RIF1: variants seen among roughly 807,000 people sequenced by gnomAD.
The protein encoded by RIF1 is replication timing regulatory factor 1.
RIF1 carries 45 observed loss-of-function variants against 247.1 expected under a neutral mutation model. The observed-to-expected ratio is 0.18, with a 90% CI of 0.14 to 0.23. The LOEUF is 0.23. Among genes scored for constraint, RIF1 ranks in the 10% least tolerant of loss-of-function variants. The probability of loss-of-function intolerance (pLI) is 1.00; values close to 1 mark genes in which losing one functional copy is unlikely to be tolerated. For synonymous variants in RIF1, 1,087 were observed against 978.8 expected (o/e 1.11, Z -2.06); for missense variants, 2,967 against 2,862.5 (o/e 1.04, Z -0.83).
intron 8 of RIF1, among the ~76,000 whole-genome samples, chr2:151,424,203 A>C (rs937046485): frequency 6.6e-6 from 1 of 152,184 alleles, no homozygotes; most frequent in Non-Finnish European, 1.5e-5. Context: ...TCCCGGGTTC[A>C]TGCAATTCTC....
chr2:151,447,105 G>A (rs1407841224), intron 20 of RIF1, among the ~76,000 whole-genome samples: 1 of 151,714 alleles, frequency 6.6e-6, no homozygotes, highest in Non-Finnish European at 1.5e-5. Flanking sequence ...CACCACGCCC[G>A]GCTAATTTTT....
At chr2:151,524,450 A>G in the RIF1 span, 1 of 1,609,314 alleles carries the variant, frequency 6.2e-7, no homozygotes, top group Non-Finnish European at 8.5e-7. Context: ...GCAACAGGTG[A>G]TGGTTGCCTG....
the RIF1 span, chr2:151,514,286 A>G: frequency 7.0e-7 from 1 of 1,430,886 alleles, no homozygotes. Context: ...ATGCTGTATG[A>G]ATTACGTGCA....
At chr2:151,502,971 G>A in intron 11 of RIF1, 1 of 768,284 alleles carries the variant, frequency 1.3e-6, no homozygotes, top group Non-Finnish European at 2.2e-6. Context: ...GGGGTTATAT[G>A]TGAGGAGGCA....
At chr2:151,488,914 C>T (rs369339460) in intron 9 of RIF1, among the ~76,000 whole-genome samples, 1 of 152,202 alleles carries the variant, frequency 6.6e-6, no homozygotes. Flanking sequence ...GTATCTATTG[C>T]CATGCTAAAT....
chr2:151,437,256 C>A lies in RIF1; in HGVS notation c.1388C>A (p.Pro463Gln), dbSNP rs776895432. The change falls in exon 13 of 36, where the codon CCG (proline) becomes CAG (glutamine). Residue 463 changes from proline (P) to glutamine (Q), a missense_variant. Around this residue, in one of 7 missense-constraint regions of RIF1, gnomAD observed 369 missense variants for 322.0 expected, o/e 1.15. Transcript: ENST00000444746. Reference protein sequence around the residue: ...LVLSLEPLEHPLISSPSFFSK... With the variant: ...LVLSLEPLEHQLISSPSFFSK... ...TCCCTTTCAGAGCCATTGGAACATC[C>A]GTTAATCAGCAGCCCTTCCTTTTTT... The A allele has an allele frequency of 6.8e-6, 11 of 1,611,230 alleles. No homozygotes were observed. In the Middle Eastern group the frequency reaches 9.9e-4, roughly 145 times the overall value.
downstream of RIF1, among the ~76,000 whole-genome samples, chr2:151,510,160 G>T (rs769130241): frequency 1.5e-4 from 23 of 152,124 alleles, no homozygotes; most frequent in Non-Finnish European, 2.4e-4. Flanking sequence ...GTGATTACTC[G>T]TATGTTGTCT....
chr2:151,497,555 G>C, intron 10 of RIF1: 2 of 1,525,840 alleles, frequency 1.3e-6, no homozygotes, highest in African/African-American at 2.8e-5. Flanking sequence ...GGATTAATAC[G>C]TATTATTTTA....
chr2:151,531,763 A>C, the RIF1 span: 2 of 1,529,308 alleles, frequency 1.3e-6, no homozygotes, highest in East Asian at 2.3e-5. Context: ...CCTGAGTTTG[A>C]GAAGGTATTC....
the RIF1 span, among the ~76,000 whole-genome samples, chr2:151,533,803 T>C: frequency 3.3e-5 from 5 of 152,386 alleles, no homozygotes; most frequent in South Asian, 1.0e-3. Context: ...AAAATAGCTT[T>C]ATAGAAAAGA....
intron 8 of RIF1, among the ~76,000 whole-genome samples, chr2:151,425,702 T>G (rs1167031728): frequency 7.7e-6 from 1 of 129,984 alleles, no homozygotes; most frequent in Non-Finnish European, 1.6e-5. Flanking sequence ...AGTCTTACTC[T>G]GTTGCCTAGG....
intron 6 of RIF1, among the ~76,000 whole-genome samples, chr2:151,419,341 T>G (rs1301714064): frequency 6.6e-6 from 1 of 152,150 alleles, no homozygotes; most frequent in African/African-American, 2.4e-5. Context: ...TTACTATTTT[T>G]TTTGAGACGG....
chr2:151,498,983 A>T (rs755465698), intron 10 of RIF1, among the ~76,000 whole-genome samples: 5 of 152,176 alleles, frequency 3.3e-5, no homozygotes, highest in Non-Finnish European at 5.9e-5. Flanking sequence ...GATCTTTGCA[A>T]AATACATTTG....
At chr2:151,446,660 A>G (rs1693321804) in intron 20 of RIF1, 85 bp downstream of exon 20, 4 of 1,244,562 alleles carry the variant, frequency 3.2e-6, no homozygotes, top group East Asian at 2.3e-5. Context: ...GTGAACTGTC[A>G]CCTATTACTG....
chr2:151,426,904 C>G (rs1303265799), intron 8 of RIF1, among the ~76,000 whole-genome samples: 3 of 152,126 alleles, frequency 2.0e-5, no homozygotes, highest in African/African-American at 7.2e-5. Flanking sequence ...GCCTCGGCCT[C>G]CCAAAGTGCT....
intron 11 of RIF1, chr2:151,501,508 A>T: frequency 1.4e-5 from 19 of 1,376,164 alleles, no homozygotes; most frequent in Non-Finnish European, 1.9e-5. Context: ...CCAACAAACA[A>T]ATCAACCTGG....
At chr2:151,417,937 C>T (rs1687493128) in intron 6 of RIF1, among the ~76,000 whole-genome samples, 2 of 152,092 alleles carry the variant, frequency 1.3e-5, no homozygotes, top group Non-Finnish European at 2.9e-5. Flanking sequence ...GTAGGCACTT[C>T]TAACACGATA....
intron 20 of RIF1, among the ~76,000 whole-genome samples, chr2:151,448,083 T>C (rs1190622861): frequency 1.2e-4 from 18 of 152,076 alleles, no homozygotes; most frequent in Admixed American, 1.2e-3. Flanking sequence ...ACAGTGATTG[T>C]TGGACGACAA....
At chr2:151,452,353 A>G (rs1191533815) in intron 21 of RIF1, among the ~76,000 whole-genome samples, 1 of 152,202 alleles carries the variant, frequency 6.6e-6, no homozygotes, top group Non-Finnish European at 1.5e-5. Flanking sequence ...ACCTATGTTT[A>G]TATGTTCTTA....
Sources: allele counts gnomAD v4.1 joint callset (sites outside exome capture counted in the v4.1 genomes callset), GRCh38; gene constraint gnomAD v4.1.1; regional missense constraint gnomAD v4.1.1; transcripts MANE v1.5; gene names NCBI Gene and HGNC (gene_info 2026-07-23, HGNC 2026-07-21).